The following ZCCHC7 variants were observed in gnomAD, a reference collection of about 807,000 sequenced individuals.
ZCCHC7 encodes the protein zinc finger CCHC domain-containing protein 7.
A neutral mutation model predicts 52.0 loss-of-function variants in ZCCHC7; 35 were observed. The observed-to-expected ratio is 0.67, with a 90% CI of 0.51 to 0.89. The LOEUF (loss-of-function observed/expected upper bound fraction) is 0.89. ZCCHC7 is among the 40% of genes least tolerant of loss of function. The pLI is 0.00. For synonymous variants in ZCCHC7, 217 were observed against 221.5 expected (o/e 0.98, Z 0.18); for missense variants, 574 against 649.1 (o/e 0.88, Z 1.26).
intron 2 of ZCCHC7, among the ~76,000 whole-genome samples, chr9:37,210,014 T>A (rs1009821065): frequency 1.3e-5 from 2 of 152,094 alleles, no homozygotes; most frequent in African/African-American, 4.8e-5. Context: ...CCTGTTTTTT[T>A]ATTTATTTTT....
At chr9:37,263,002 TAGA>T (rs1363602219) in intron 2 of ZCCHC7, among the ~76,000 whole-genome samples, 2 of 152,226 alleles carry the variant, frequency 1.3e-5, no homozygotes, top group Admixed American at 1.3e-4. Flanking sequence ...GTTCTTTTCA[TAGA>T]AGATTTTTTG....
intron 2 of ZCCHC7, among the ~76,000 whole-genome samples, chr9:37,299,781 GT>G (rs1370766518): frequency 6.6e-6 from 1 of 152,148 alleles, no homozygotes; most frequent in Non-Finnish European, 1.5e-5. Context: ...TTGAAACTTA[GT>G]TTGTATACTT....
intron 2 of ZCCHC7, among the ~76,000 whole-genome samples, chr9:37,256,292 C>A (rs541725819): frequency 6.6e-6 from 1 of 152,260 alleles, no homozygotes; most frequent in African/African-American, 2.4e-5. Flanking sequence ...AATGGTAGTT[C>A]TCATCGTGTG....
intron 2 of ZCCHC7, among the ~76,000 whole-genome samples, chr9:37,223,215 C>T (rs926831605): frequency 5.9e-5 from 9 of 152,000 alleles, no homozygotes; most frequent in African/African-American, 2.2e-4. Context: ...TAGGATTATT[C>T]ACAATATCCA....
rs1219495937 is a variant in ZCCHC7 at position 37,169,955 on chromosome 9, C to T, written c.610+43013C>T. Among the ~76,000 whole-genome samples, 5 of 151,614 alleles carry T rather than the reference C, an allele frequency of 3.3e-5. No homozygotes were observed. The East Asian group carries it at 9.7e-4, about 29-fold the overall frequency. On this transcript the variant is annotated intron_variant, in intron 2 of 8. Transcript: ENST00000336755. ...GCATGCATTTGTAGTCCCAGCTACT[C>T]AAGAGGCTGAGGCTGGAGGGATCGC...
chr9:37,149,144 T>C lies in ZCCHC7; in HGVS notation c.610+22202T>C, dbSNP rs530763097. On this transcript the variant is annotated intron_variant, in intron 2 of 8. Coordinates refer to ENST00000336755, the MANE Select transcript of ZCCHC7 (RefSeq NM_032226.3). Reference sequence around the variant, plus strand: ...TGTGGTCCCAATGTTAATTTCTGCTTATAGTTTTGTAATAGCTTAATTTCA... The same window carrying C: ...TGTGGTCCCAATGTTAATTTCTGCTCATAGTTTTGTAATAGCTTAATTTCA... 3.9e-5 allele frequency among the ~76,000 whole-genome samples: 6 copies of C among 152,280 alleles called. No individual in the cohort carries two copies. The South Asian group carries it at 1.2e-3, about 32-fold the overall frequency.
Position 37,143,903 on chromosome 9 carries a change from GAAATT to G in ZCCHC7, c.610+16968_610+16972del, listed in dbSNP as rs1289831132. The stretch of plus-strand genomic sequence containing the variant: ...AAATTATAAAAGGATTATGAGTACA[GAAATT>G]AAATTATGTGAAATTAATTTTGATA... On this transcript the variant is annotated intron_variant, in intron 2 of 8. Coordinates refer to ENST00000336755, the MANE Select transcript of ZCCHC7 (RefSeq NM_032226.3). 7.9e-5 allele frequency among the ~76,000 whole-genome samples: 12 copies of G among 151,880 alleles called. No homozygotes were observed. In the East Asian group the frequency reaches 2.3e-3, roughly 29 times the overall value.
intron 2 of ZCCHC7, among the ~76,000 whole-genome samples, chr9:37,242,222 A>G (rs1180024979): frequency 1.3e-5 from 2 of 151,812 alleles, no homozygotes; most frequent in Non-Finnish European, 1.5e-5. Context: ...TTTTGGTATA[A>G]TCTACATGCA....
chr9:37,247,393 A>G (rs146290174), intron 2 of ZCCHC7, among the ~76,000 whole-genome samples: 5 of 152,334 alleles, frequency 3.3e-5, no homozygotes, highest in East Asian at 1.9e-4. Context: ...AACCATTTCA[A>G]TGAGAGATCA....
chr9:37,265,988 C>A (rs1485781230), intron 2 of ZCCHC7, among the ~76,000 whole-genome samples: 3 of 152,134 alleles, frequency 2.0e-5, no homozygotes, highest in African/African-American at 7.2e-5. Context: ...TCCCCAAATC[C>A]CTGCATGTTG....
At chr9:37,287,539 A>G (rs1179152529) in intron 2 of ZCCHC7, among the ~76,000 whole-genome samples, 8 of 152,124 alleles carry the variant, frequency 5.3e-5, no homozygotes. Context: ...ACCATGAGCC[A>G]TTGAGTTTTA....
chr9:37,329,359 A>G (rs1378331383), intron 6 of ZCCHC7, among the ~76,000 whole-genome samples: 2 of 151,820 alleles, frequency 1.3e-5, no homozygotes, highest in Non-Finnish European at 3.0e-5. Context: ...CTGTTCAGAA[A>G]CATAAATTTT....
intron 2 of ZCCHC7, among the ~76,000 whole-genome samples, chr9:37,269,414 A>T (rs1465968138): frequency 6.6e-6 from 1 of 151,708 alleles, no homozygotes; most frequent in Non-Finnish European, 1.5e-5. Flanking sequence ...ACTTGAGCCC[A>T]GGAGTTTAGC....
chr9:37,330,866 G>T (rs1345441131), intron 6 of ZCCHC7, among the ~76,000 whole-genome samples: 1 of 151,376 alleles, frequency 6.6e-6, no homozygotes, highest in Non-Finnish European at 1.5e-5. Flanking sequence ...CACCAACAGA[G>T]TTTTACAACC....
intron 2 of ZCCHC7, among the ~76,000 whole-genome samples, chr9:37,288,553 C>T (rs539041176): frequency 1.3e-4 from 20 of 152,104 alleles, no homozygotes; most frequent in Admixed American, 4.6e-4. Context: ...ATATTTACTG[C>T]CCCTGAATTC....
At chr9:37,227,994 G>T (rs1054526066) in intron 2 of ZCCHC7, among the ~76,000 whole-genome samples, 1 of 151,996 alleles carries the variant, frequency 6.6e-6, no homozygotes, top group African/African-American at 2.4e-5. Flanking sequence ...ACAGGGTTTT[G>T]CCATGTTAGC....
intron 2 of ZCCHC7, among the ~76,000 whole-genome samples, chr9:37,158,952 G>A (rs544271736): frequency 4.0e-4 from 61 of 152,196 alleles, no homozygotes; most frequent in Non-Finnish European, 7.3e-4. Flanking sequence ...TCTTGGAACA[G>A]CAGCCAATTC....
At chr9:37,219,476 C>G (rs1824699296) in intron 2 of ZCCHC7, among the ~76,000 whole-genome samples, 1 of 152,196 alleles carries the variant, frequency 6.6e-6, no homozygotes, top group African/African-American at 2.4e-5. Flanking sequence ...TCTTAGACTG[C>G]ACACTAATTC....
chr9:37,220,854 A>G (rs964306200), intron 2 of ZCCHC7, among the ~76,000 whole-genome samples: 13 of 152,212 alleles, frequency 8.5e-5, no homozygotes, highest in African/African-American at 3.1e-4. Flanking sequence ...TGAAAGATAC[A>G]GTGATAAAGC....
Sources: gnomAD v4.1 joint callset for allele counts (sites outside exome capture counted in the v4.1 genomes callset) on GRCh38, gnomAD v4.1.1 for gene constraint, MANE v1.5 for transcripts, NCBI Gene and HGNC (gene_info 2026-07-23, HGNC 2026-07-21) for gene names.